The following POGLUT3 variants were observed in gnomAD, a reference collection of about 807,000 sequenced individuals.
POGLUT3 encodes protein O-glucosyltransferase 3.
Under a neutral mutation model 54.3 loss-of-function variants are expected in POGLUT3, and 48 were observed. The observed-to-expected ratio is 0.88, with a 90% CI of 0.70 to 1.12. The LOEUF (loss-of-function observed/expected upper bound fraction) is 1.12. POGLUT3 is among the 50% of genes most tolerant of loss of function. The probability of loss-of-function intolerance (pLI) is 0.00; values close to 1 mark genes in which losing one functional copy is unlikely to be tolerated. For synonymous variants in POGLUT3, 218 were observed against 237.4 expected (o/e 0.92, Z 0.75); for missense variants, 629 against 618.7 (o/e 1.02, Z -0.18).
rs2093591596 is a variant in POGLUT3, at chr11:108,481,211, G to A, written c.1067C>T (p.Ala356Val). ...GAAATCAAAGAAACCCATCAACTTGGCTTTTCCAAGCTCCTTTTCTTTCTC... is the reference window on the plus strand; with the variant it reads ...GAAATCAAAGAAACCCATCAACTTGACTTTTCCAAGCTCCTTTTCTTTCTC... ...FQEKEKELGK[A>V]KLMGFFDFFK... The change falls in exon 5 of 8, where the codon GCC becomes GTC. Residue 356 changes from alanine to valine, a missense_variant. By Grantham distance (64) the Ala-to-Val change is moderately conservative (BLOSUM62 0). Coordinates refer to ENST00000323468, the MANE Select transcript of POGLUT3 (RefSeq NM_153705.5). 4 of 1,609,290 alleles carry A rather than the reference G, an allele frequency of 2.5e-6. No individual in the cohort carries two copies. The highest frequency in any genetic ancestry group is 3.4e-5 in the Admixed American group (2 of 58,970).
In POGLUT3 at chr11:108,478,597, A is replaced by C. The variant is rs542356999; in HGVS notation, c.1293+704T>G. On this transcript the variant is annotated intron_variant, in intron 6 of 7. Coordinates refer to ENST00000323468, the MANE Select transcript of POGLUT3 (RefSeq NM_153705.5). ...CACAGGCTGTTCATTCAGTACCAGA[A>C]ATAGTCAGCGTTCCTAATTATACTT... Among the ~76,000 whole-genome samples the C allele has an allele frequency of 3.3e-5, 5 of 152,360 alleles. No homozygotes were observed. The South Asian group carries it at 1.0e-3, about 32-fold the overall frequency.
At position 108,474,705 on chromosome 11, in the gene POGLUT3, A is replaced by T; in HGVS notation, c.*122T>A. 1 of 1,116,824 alleles carries T rather than the reference A, an allele frequency of 9.0e-7. No individual in the cohort carries two copies. The highest frequency in any genetic ancestry group is 1.3e-6 in the Non-Finnish European group (1 of 771,354). The allele number at this position is 1,116,824 out of a possible 1,614,324, so 69.2% of individuals were successfully genotyped here. The stretch of plus-strand genomic sequence containing the variant: ...CCAGTACTGCTATATCCATCTACAT[A>T]TATAAAGCCACCGGGAGAACTAGTC... On this transcript the variant is annotated 3_prime_UTR_variant, in exon 8 of 8. Coordinates refer to ENST00000323468, the MANE Select transcript of POGLUT3 (RefSeq NM_153705.5).
rs535141314 is a variant in POGLUT3 at position 108,472,618 on chromosome 11, C to T, written c.*2209G>A. On this transcript the variant is annotated 3_prime_UTR_variant, in exon 8 of 8. Coordinates refer to ENST00000323468, the MANE Select transcript of POGLUT3 (RefSeq NM_153705.5). ...ACTGAATCTGCCTGGTTTGTCTCAA[C>T]TTGCTTTTAACTATTAGGCCTGTTT... The T allele has an allele frequency of 3.9e-5, 6 of 152,288 alleles. No individual in the cohort carries two copies. In the East Asian group the frequency reaches 1.2e-3, roughly 29 times the overall value. The allele number at this position is 152,288 out of a possible 1,614,324, so 9.4% of individuals were successfully genotyped here.
chr11:108,492,543 A>T lies in POGLUT3; in HGVS notation c.203-1376T>A, dbSNP rs113311618. Among the ~76,000 whole-genome samples the T allele has an allele frequency of 8.1e-3, 1,234 of 152,292 alleles. 13 individuals carry two copies. Among genetic ancestry groups the T allele is most frequent in the African/African-American group, 0.028 (1,168 of 41,572 alleles). On this transcript the variant is annotated intron_variant, in intron 1 of 7. Coordinates refer to ENST00000323468, the MANE Select transcript of POGLUT3 (RefSeq NM_153705.5). Reference sequence around the variant, plus strand: ...TACTAAACACGTTTGTGAAATTCTTAGTTTCTAAATCGAGTGAGTGTAATA... The same window carrying T: ...TACTAAACACGTTTGTGAAATTCTTTGTTTCTAAATCGAGTGAGTGTAATA...
At position 108,498,346 on chromosome 11, in the gene POGLUT3, G is replaced by T. The variant is rs1210300321; in HGVS notation, c.21C>A (p.Ala7=). 1.0e-5 allele frequency: 14 copies of T among 1,333,828 alleles called. No individual in the cohort carries two copies. The South Asian group carries it at 1.3e-4, about 13-fold the overall frequency. 82.6% of individuals were successfully genotyped at this position (1,333,828 alleles called of 1,614,324 possible). A position where few individuals can be genotyped will look rare whatever the true frequency, so the allele number is the denominator to read the frequency against. Residue 7 remains alanine (A), a synonymous_variant, in exon 1 of 8, where the codon GCC becomes GCA. Coordinates refer to ENST00000323468, the MANE Select transcript of POGLUT3 (RefSeq NM_153705.5). The part of the protein sequence containing the change: MRRLPR[A]LLLQLRLALL... ...GGGCGAGGCGCAGCTGCAGCAGCAG[G>T]GCCCGCGGGAGGCGGCGCATGGTCG... is the stretch of plus-strand genomic sequence containing the variant.
chr11:108,472,196 A>T lies in POGLUT3; in HGVS notation c.*2631T>A, dbSNP rs2093570256. ...GATATAAAGTTCTAAACATAGATTT[A>T]AAAAGAGCAAAATGGAAAAAATATA... On this transcript the variant is annotated 3_prime_UTR_variant, in exon 8 of 8. Coordinates refer to ENST00000323468, the MANE Select transcript of POGLUT3 (RefSeq NM_153705.5). 1.3e-5 allele frequency: 2 copies of T among 152,190 alleles called. No individual in the cohort carries two copies. The highest frequency in any genetic ancestry group is 4.8e-5 in the African/African-American group (2 of 41,470). The allele number at this position is 152,190 out of a possible 1,614,324, so 9.4% of individuals were successfully genotyped here. A position where few individuals can be genotyped will look rare whatever the true frequency, so the allele number is the denominator to read the frequency against.
rs2093588465 is a variant in POGLUT3 at position 108,479,438 on chromosome 11, T to A, written c.1156A>T (p.Met386Leu). ...TTTAAAACCAGACTGTCGCCCAGCA[T>A]GAGATATGGATATCTGTAAGCAGCC... Reference protein sequence around the residue: ...TVAAYRYPYLMLGDSLVLKQD... With the variant: ...TVAAYRYPYLLLGDSLVLKQD... The change falls in exon 6 of 8, where the codon ATG becomes TTG. Residue 386 changes from methionine (M) to leucine (L), a missense_variant. Transcript: ENST00000323468. 1 of 1,613,158 alleles carries A rather than the reference T, an allele frequency of 6.2e-7. No homozygotes were observed. The highest frequency in any genetic ancestry group is 1.7e-5 in the Admixed American group (1 of 59,568).
At position 108,473,996 on chromosome 11, in the gene POGLUT3, A is replaced by G. The variant is rs900174269; in HGVS notation, c.*831T>C. The stretch of plus-strand genomic sequence containing the variant: ...CTTAAATATCCTTATCAGACCTTCT[A>G]AAAGGAAGCTGTTATTAATGAAAGC... On this transcript the variant is annotated 3_prime_UTR_variant, in exon 8 of 8. Coordinates refer to ENST00000323468, the MANE Select transcript of POGLUT3 (RefSeq NM_153705.5). 45 of 152,210 alleles carry G rather than the reference A, an allele frequency of 3.0e-4. No homozygotes were observed. Among genetic ancestry groups the G allele is most frequent in the African/African-American group, 1.0e-3 (42 of 41,536 alleles). 9.4% of individuals were successfully genotyped at this position (152,210 alleles called of 1,614,324 possible). A position where few individuals can be genotyped will look rare whatever the true frequency, so the allele number is the denominator to read the frequency against.
rs369898073 is a variant in POGLUT3, at chr11:108,481,360, A to G, written c.918T>C (p.Asn306=). The stretch of plus-strand genomic sequence containing the variant: ...CTCTGAAGAAAGCTCTCTCTGTTTT[A>G]TTGATCCAGGAAGGCCCTACAAGTT... The part of the protein sequence containing the change: ...IQGNTGPSWI[N]KTERAFFRGR... Residue 306 remains asparagine, a synonymous_variant, in exon 5 of 8, where the codon AAT becomes AAC. Coordinates refer to ENST00000323468, the MANE Select transcript of POGLUT3 (RefSeq NM_153705.5). The G allele has an allele frequency of 8.4e-5, 133 of 1,582,056 alleles. No homozygotes were observed. Among genetic ancestry groups the G allele is most frequent in the Admixed American group, 1.4e-4 (7 of 50,352 alleles).
chr11:108,481,301 A>G lies in POGLUT3; in HGVS notation c.977T>C (p.Val326Ala), dbSNP rs776287461. ...CTGAGGATTTTCTTTGGACAGCTGT[A>G]CCAACTGGAGCCTCTCCTCTCGGCT... ...RDSREERLQLVQLSKENPQLL... is the reference protein window; with the variant it reads ...RDSREERLQLAQLSKENPQLL... Residue 326 changes from valine to alanine, a missense_variant, in exon 5 of 8, where the codon GTA becomes GCA. Val to Ala is a moderately conservative substitution (Grantham distance 64, BLOSUM62 0). Transcript: ENST00000323468. The G allele has an allele frequency of 3.7e-6, 6 of 1,613,056 alleles. No homozygotes were observed. The Admixed American group carries it at 8.4e-5, about 22-fold the overall frequency.
chr11:108,481,736 A>G (rs1162473732), intron 4 of POGLUT3, among the ~76,000 whole-genome samples: 2 of 151,964 alleles, frequency 1.3e-5, no homozygotes, highest in Admixed American at 6.6e-5. Context: ...CAAAAAAGAG[A>G]TTCAGTGACT....
chr11:108,480,282 G>T (rs1012183568), intron 5 of POGLUT3, among the ~76,000 whole-genome samples: 6 of 152,232 alleles, frequency 3.9e-5, no homozygotes, highest in African/African-American at 1.4e-4. Flanking sequence ...TGAGGAGATA[G>T]AAACCTGGAG....
intron 3 of POGLUT3, among the ~76,000 whole-genome samples, chr11:108,483,225 G>A (rs2093596171): frequency 6.6e-6 from 1 of 152,200 alleles, no homozygotes; most frequent in African/African-American, 2.4e-5. Flanking sequence ...TCACAATCTT[G>A]TCCCAGCTTG....
intron 3 of POGLUT3, among the ~76,000 whole-genome samples, chr11:108,485,432 G>A (rs150978566): frequency 5.9e-5 from 9 of 152,132 alleles, no homozygotes; most frequent in Non-Finnish European, 1.3e-4. Context: ...TTTGAGACCA[G>A]CCTGCTCAAC....
intron 3 of POGLUT3, among the ~76,000 whole-genome samples, chr11:108,482,670 T>G (rs1430073137): frequency 6.6e-6 from 1 of 151,864 alleles, no homozygotes; most frequent in Non-Finnish European, 1.5e-5. Flanking sequence ...CGCTTGAACC[T>G]GGGAGGCAGA....
chr11:108,490,038 C>T (rs1418623209), intron 2 of POGLUT3, among the ~76,000 whole-genome samples: 3 of 152,082 alleles, frequency 2.0e-5, no homozygotes, highest in East Asian at 1.9e-4. Context: ...AGGTATGTGC[C>T]GCCACACCCA....
intron 3 of POGLUT3, among the ~76,000 whole-genome samples, chr11:108,483,086 G>T (rs1326665027): frequency 6.6e-6 from 1 of 152,172 alleles, no homozygotes; most frequent in Non-Finnish European, 1.5e-5. Flanking sequence ...AGGCTGCTCA[G>T]ATTTCCAAAA....
chr11:108,491,310 T>C, intron 1 of POGLUT3, 143 bp from the exon 2 acceptor site: 1 of 674,736 alleles, frequency 1.5e-6, no homozygotes, highest in Non-Finnish European at 2.5e-6. Context: ...CTTTGGAAGA[T>C]CTTTGAGGCC....
intron 1 of POGLUT3, among the ~76,000 whole-genome samples, chr11:108,492,620 TG>T (rs2093615269): frequency 6.6e-6 from 1 of 152,246 alleles, no homozygotes; most frequent in Non-Finnish European, 1.5e-5. Flanking sequence ...TCTGCAGAAA[TG>T]TTTCTCAGTC....
Sources: gnomAD v4.1 joint callset for allele counts (sites outside exome capture counted in the v4.1 genomes callset) on GRCh38, gnomAD v4.1.1 for gene constraint, MANE v1.5 for transcripts, NCBI Gene and HGNC (gene_info 2026-07-23, HGNC 2026-07-21) for gene names.